ADORA2B: variants seen among roughly 807,000 people sequenced by gnomAD.
The protein encoded by ADORA2B is adenosine receptor A2b.
A neutral mutation model predicts 20.8 loss-of-function variants in ADORA2B; 18 were observed. The ratio of observed to expected loss-of-function variants is 0.87; its 90% CI spans 0.60 to 1.29. The LOEUF (loss-of-function observed/expected upper bound fraction) is 1.29, where lower values mean the gene tolerates loss of function less well. Ranked by LOEUF, ADORA2B falls within the 50% of genes most tolerant of loss-of-function variation. The pLI is 0.00. For synonymous variants in ADORA2B, 179 were observed against 178.3 expected, an observed-to-expected ratio of 1.00 and a Z score of -0.03; for missense variants, 441 against 422.7, an observed-to-expected ratio of 1.04 and a Z score of -0.38.
intron 1 of ADORA2B, among the ~76,000 whole-genome samples, chr17:15,964,529 A>T (rs2151604571): frequency 6.6e-6 from 1 of 151,158 alleles, no homozygotes; most frequent in Non-Finnish European, 1.5e-5. Context: ...GAATCGCTTG[A>T]ACCTGGGAGG....
At chr17:15,854,361 T>C in the ADORA2B span, among the ~76,000 whole-genome samples, 35 of 152,326 alleles carry the variant, frequency 2.3e-4, no homozygotes, top group African/African-American at 7.2e-4. Flanking sequence ...TTAACAAAGG[T>C]ATATAAAAAG....
the ADORA2B span, among the ~76,000 whole-genome samples, chr17:15,867,574 G>A: frequency 1.3e-5 from 2 of 149,956 alleles, no homozygotes; most frequent in South Asian, 4.2e-4. Context: ...GGAGGGAGGC[G>A]GGGGTCAGCC....
At chr17:15,870,799 T>A in the ADORA2B span, among the ~76,000 whole-genome samples, 38 of 152,352 alleles carry the variant, frequency 2.5e-4, no homozygotes, top group East Asian at 6.8e-3. Flanking sequence ...ACATGCACAA[T>A]TCAAAAAACA....
At chr17:15,942,265 G>GT (rs1433818349), upstream of ADORA2B, among the ~76,000 whole-genome samples, 3 of 152,050 alleles carry the variant, frequency 2.0e-5, no homozygotes, top group African/African-American at 7.3e-5. Flanking sequence ...ATGATAGTGA[G>GT]TGAGTTCTCA....
the ADORA2B span, among the ~76,000 whole-genome samples, chr17:15,907,861 C>CG: frequency 2.0e-5 from 3 of 152,148 alleles, no homozygotes; most frequent in African/African-American, 7.2e-5. Flanking sequence ...GGTGAGCGTA[C>CG]GCTGCACACT....
chr17:15,874,821 G>A, the ADORA2B span, among the ~76,000 whole-genome samples: 228 of 151,774 alleles, frequency 1.5e-3, no homozygotes, highest in African/African-American at 5.3e-3. Flanking sequence ...TTTGCAAAAG[G>A]TTGTGTTATA....
At chr17:15,850,447 T>G in the ADORA2B span, 1 of 152,206 alleles carries the variant, frequency 6.6e-6, no homozygotes, top group Non-Finnish European at 1.5e-5. Flanking sequence ...GAGAAAAGAA[T>G]AATAAATATC....
At chr17:15,881,246 C>T in the ADORA2B span, among the ~76,000 whole-genome samples, 11 of 152,124 alleles carry the variant, frequency 7.2e-5, no homozygotes, top group African/African-American at 1.7e-4. Context: ...GGACTACGGG[C>T]GTGCACCACC....
the ADORA2B span, among the ~76,000 whole-genome samples, chr17:15,911,138 G>A: frequency 2.9e-4 from 44 of 152,362 alleles, 1 homozygote; most frequent in African/African-American, 9.9e-4. Flanking sequence ...CTGAGCAACT[G>A]CTTGGCGATG....
chr17:15,955,150 A>AT (rs1969951127), intron 1 of ADORA2B, among the ~76,000 whole-genome samples: 2 of 151,828 alleles, frequency 1.3e-5, no homozygotes. Context: ...CTTAAAATGG[A>AT]TTTTTTTTCA....
chr17:15,878,843 A>G, the ADORA2B span, among the ~76,000 whole-genome samples: 20 of 152,142 alleles, frequency 1.3e-4, no homozygotes, highest in African/African-American at 4.8e-4. Flanking sequence ...AGCTATTCAT[A>G]TGGTTTCTTT....
intron 1 of ADORA2B, among the ~76,000 whole-genome samples, chr17:15,946,195 C>G (rs1315075244): frequency 6.6e-6 from 1 of 152,226 alleles, no homozygotes; most frequent in African/African-American, 2.4e-5. Context: ...TTGGGGAACG[C>G]TACGGACTCA....
At chr17:15,857,737 C>G in the ADORA2B span, among the ~76,000 whole-genome samples, 1 of 151,892 alleles carries the variant, frequency 6.6e-6, no homozygotes, top group Non-Finnish European at 1.5e-5. Context: ...GGAACAGGAG[C>G]ATTTATTCAA....
chr17:15,946,838 A>G (rs768119368), intron 1 of ADORA2B, among the ~76,000 whole-genome samples: 2 of 152,206 alleles, frequency 1.3e-5, no homozygotes, highest in Non-Finnish European at 2.9e-5. Flanking sequence ...CATGTGTGGC[A>G]CCGTGTTTAG....
chr17:15,923,403 A>AT, the ADORA2B span, among the ~76,000 whole-genome samples: 25 of 123,104 alleles, frequency 2.0e-4, no homozygotes, highest in African/African-American at 8.9e-4. Flanking sequence ...ATATATATAT[A>AT]TATATTTTTT....
chr17:15,924,319 T>G, the ADORA2B span, among the ~76,000 whole-genome samples: 4 of 152,230 alleles, frequency 2.6e-5, no homozygotes, highest in African/African-American at 7.2e-5. Context: ...TCTAGAACTT[T>G]CATTGTTTTC....
Position 15,975,602 on chromosome 17 carries a change from CTCTT to C in ADORA2B, c.*262_*265del. ...AACAGCTTGAATGGATTCTAACAGA[CTCTT>C]TTGTTTTTAAAAGTCTGCCTTGTTT... On this transcript the variant is annotated 3_prime_UTR_variant, in exon 2 of 2. Transcript: ENST00000304222. The C allele has an allele frequency of 2.2e-6, 1 of 452,200 alleles. No individual in the cohort carries two copies. The highest frequency in any genetic ancestry group is 3.9e-6 in the Non-Finnish European group (1 of 255,370). The allele number at this position is 452,200 out of a possible 1,614,324, so 28.0% of individuals were successfully genotyped here.
At chr17:15,925,678 T>G in the ADORA2B span, among the ~76,000 whole-genome samples, 1 of 152,096 alleles carries the variant, frequency 6.6e-6, no homozygotes, top group African/African-American at 2.4e-5. Flanking sequence ...TTAACCTGAG[T>G]TGGTAATTGT....
the ADORA2B span, among the ~76,000 whole-genome samples, chr17:15,921,421 T>A: frequency 6.6e-6 from 1 of 152,204 alleles, no homozygotes; most frequent in Non-Finnish European, 1.5e-5. Flanking sequence ...CCTTTGAAAG[T>A]GAAATTTACC....
Sources: gnomAD v4.1 joint callset for allele counts (sites outside exome capture counted in the v4.1 genomes callset) on GRCh38, gnomAD v4.1.1 for gene constraint, MANE v1.5 for transcripts, NCBI Gene and HGNC (gene_info 2026-07-23, HGNC 2026-07-21) for gene names.